LYST: variants seen among roughly 807,000 people sequenced by gnomAD.
LYST encodes the protein lysosomal trafficking regulator.
Under a neutral mutation model 413.6 loss-of-function variants are expected in LYST, and 192 were observed. That is an observed-to-expected ratio of 0.46 (90% confidence interval 0.41 to 0.52). The LOEUF (loss-of-function observed/expected upper bound fraction) is 0.52, where lower values mean the gene tolerates loss of function less well. Ranked by LOEUF, LYST falls within the 20% of genes least tolerant of loss-of-function variation. The pLI, the probability that LYST is intolerant of heterozygous loss-of-function variation, is 0.00. For synonymous variants in LYST, 1,525 were observed against 1,567.3 expected, an observed-to-expected ratio of 0.97 and a Z score of 0.64; for missense variants, 3,815 against 4,499.9, an observed-to-expected ratio of 0.85 and a Z score of 4.35.
chr1:235,752,316 G>T, intron 26 of LYST, 145 bp from the exon 27 acceptor site: 7 of 626,426 alleles, frequency 1.1e-5, no homozygotes, highest in Non-Finnish European at 1.4e-5. Context: ...ATTTATTCAT[G>T]CTTATTCTAT....
At chr1:235,802,248 C>T (rs1672329353) in intron 8 of LYST, among the ~76,000 whole-genome samples, 1 of 145,612 alleles carries the variant, frequency 6.9e-6, no homozygotes, top group East Asian at 2.0e-4. Context: ...CTCACAAGGT[C>T]AGCATATAAA....
At chr1:235,761,629 C>A (rs1435784363) in intron 22 of LYST, among the ~76,000 whole-genome samples, 1 of 151,982 alleles carries the variant, frequency 6.6e-6, no homozygotes, top group Non-Finnish European at 1.5e-5. Context: ...TAGCATTTTT[C>A]AGTTCAAGAA....
At chr1:235,707,010 A>G (rs1662045233) in intron 44 of LYST, among the ~76,000 whole-genome samples, 2 of 152,236 alleles carry the variant, frequency 1.3e-5, no homozygotes, top group African/African-American at 4.8e-5. Flanking sequence ...GATTTGCTAC[A>G]GTCGACACAG....
chr1:235,739,772 T>C (rs1275429689), intron 31 of LYST, among the ~76,000 whole-genome samples: 2 of 152,198 alleles, frequency 1.3e-5, no homozygotes, highest in Non-Finnish European at 2.9e-5. Flanking sequence ...GCAATTATCA[T>C]CAGTGGCTGC....
intron 31 of LYST, chr1:235,736,382 T>C (rs780617238): frequency 1.3e-5 from 2 of 152,148 alleles, no homozygotes; most frequent in Non-Finnish European, 2.9e-5. Flanking sequence ...TATAGAGTGA[T>C]CTGGGTCATG....
At chr1:235,770,021 G>T in intron 20 of LYST, 139 bp downstream of exon 20, 2 of 736,638 alleles carry the variant, frequency 2.7e-6, no homozygotes, top group Admixed American at 2.6e-5. Flanking sequence ...ACTATTTTTT[G>T]AAAGAAGAGA....
intron 28 of LYST, among the ~76,000 whole-genome samples, chr1:235,746,970 A>C (rs1665986416): frequency 1.3e-5 from 2 of 152,252 alleles, no homozygotes; most frequent in Non-Finnish European, 2.9e-5. Context: ...AGTAGTTTTA[A>C]AAACTGTGTA....
chr1:235,734,181 G>A (rs888743285), intron 32 of LYST, among the ~76,000 whole-genome samples: 4 of 151,906 alleles, frequency 2.6e-5, no homozygotes, highest in African/African-American at 9.7e-5. Context: ...TCCTTACTCT[G>A]CTTTTTCATT....
intron 1 of LYST, among the ~76,000 whole-genome samples, chr1:235,874,518 A>AG (rs1334757076): frequency 6.6e-6 from 1 of 152,232 alleles, no homozygotes; most frequent in African/African-American, 2.4e-5. Flanking sequence ...TTAAACACTC[A>AG]GCAGGCTTTG....
In LYST at chr1:235,686,070, C is replaced by T. The variant is rs969344843; in HGVS notation, c.10800+879G>A. ...TCAACTGCACCACAGGCAGTTGATT[C>T]AAGAAACAAAAACAGGCCGGGCGTG... On this transcript the variant is annotated intron_variant, in intron 48 of 52. Coordinates refer to ENST00000389793, the MANE Select transcript of LYST (RefSeq NM_000081.4). This position sits in a 1 kb window ranked among gnomAD's most constrained non-coding sequence, Gnocchi z 4.0. Among the ~76,000 whole-genome samples the T allele has an allele frequency of 1.3e-5, 2 of 151,664 alleles. No individual in the cohort carries two copies. The highest frequency in any genetic ancestry group is 2.1e-4 in the South Asian group (1 of 4,802).
At chr1:235,864,469 A>G (rs1297079043) in intron 1 of LYST, among the ~76,000 whole-genome samples, 1 of 152,054 alleles carries the variant, frequency 6.6e-6, no homozygotes, top group Non-Finnish European at 1.5e-5. Context: ...TCCTGAAATC[A>G]ATGACCTCTC....
chr1:235,667,909 A>T (rs1449242236), intron 50 of LYST, among the ~76,000 whole-genome samples: 3 of 151,750 alleles, frequency 2.0e-5, no homozygotes. Flanking sequence ...TGATCTACCC[A>T]CCTCGGCCTC....
chr1:235,800,254 G>T, intron 10 of LYST, 66 bp downstream of exon 10: 1 of 1,081,506 alleles, frequency 9.2e-7, no homozygotes, highest in Non-Finnish European at 1.4e-6. Flanking sequence ...CTGGCCAGAA[G>T]CCATTATTAT....
intron 47 of LYST, among the ~76,000 whole-genome samples, chr1:235,690,325 G>A (rs979815578): frequency 6.6e-6 from 1 of 152,066 alleles, no homozygotes; most frequent in Non-Finnish European, 1.5e-5. Flanking sequence ...CCCAAAAAGG[G>A]TGCAGTAAGG....
In LYST at chr1:235,801,111, A is replaced by G. The variant is rs1027563764; in HGVS notation, c.3713-14T>C. The G allele has an allele frequency of 1.3e-6, 2 of 1,483,738 alleles. No individual in the cohort carries two copies. Among genetic ancestry groups the G allele is most frequent in the Middle Eastern group, 1.7e-4 (1 of 5,850 alleles). The allele number at this position is 1,483,738 out of a possible 1,614,324, so 91.9% of individuals were successfully genotyped here. On this transcript the variant is annotated splice_polypyrimidine_tract_variant and intron_variant, in intron 8 of 52. Transcript: ENST00000389793. Reference sequence around the variant, plus strand: ...TTAAGTCTACCCCTGAAAAGAGAAAAGCGAAAGATTACTTGTATTCCCTAA... The same window carrying G: ...TTAAGTCTACCCCTGAAAAGAGAAAGGCGAAAGATTACTTGTATTCCCTAA...
chr1:235,750,262 T>C (rs1318508868), intron 28 of LYST, among the ~76,000 whole-genome samples: 1 of 152,154 alleles, frequency 6.6e-6, no homozygotes, highest in African/African-American at 2.4e-5. Flanking sequence ...TAAGGAAGAA[T>C]GTAGAGGGCA....
intron 25 of LYST, among the ~76,000 whole-genome samples, chr1:235,754,278 G>A (rs891779605): frequency 1.4e-5 from 2 of 142,144 alleles, no homozygotes; most frequent in Admixed American, 7.4e-5. Flanking sequence ...TGTTGCCCAG[G>A]CTGAAGTGCA....
At chr1:235,830,194 A>C in intron 3 of LYST, 32 bp downstream of exon 3, 1 of 1,501,172 alleles carries the variant, frequency 6.7e-7, no homozygotes. Context: ...TCATATATTG[A>C]TGAAAGTAAG....
In LYST at chr1:235,686,480, T is replaced by G. The variant is rs1374541121; in HGVS notation, c.10800+469A>C. Among the ~76,000 whole-genome samples the G allele has an allele frequency of 6.6e-6, 1 of 152,228 alleles. No homozygotes were observed. Among genetic ancestry groups the G allele is most frequent in the African/African-American group, 2.4e-5 (1 of 41,458 alleles). On this transcript the variant is annotated intron_variant, in intron 48 of 52. Transcript: ENST00000389793. This position sits in a 1 kb window ranked among gnomAD's most constrained non-coding sequence, Gnocchi z 4.0. ...GTTTTATGATTCAACTCCAAAATCC[T>G]GGGAGTTCAGTGAATGGCTGAAAAA...
Sources: gnomAD v4.1 joint callset for allele counts (sites outside exome capture counted in the v4.1 genomes callset) on GRCh38, gnomAD v4.1.1 for gene constraint, Gnocchi (gnomAD v3.1) non-coding constraint, MANE v1.5 for transcripts, NCBI Gene and HGNC (gene_info 2026-07-23, HGNC 2026-07-21) for gene names.